Variants in ZBTB16 observed in about 807,000 individuals in gnomAD.
ZBTB16 encodes zinc finger and BTB domain-containing protein 16.
A neutral mutation model predicts 56.8 loss-of-function variants in ZBTB16; 8 were observed. That is an observed-to-expected ratio of 0.14 (90% CI 0.08 to 0.25). The LOEUF is 0.25. ZBTB16 is among the 10% of genes least tolerant of loss of function. The pLI is 1.00. For missense variants in ZBTB16, 625 were observed against 903.0 expected (o/e 0.69, Z 3.95); for synonymous variants, 363 against 368.5 (o/e 0.98, Z 0.17).
At chr11:114,084,487 T>G (rs868318735) in intron 2 of ZBTB16, among the ~76,000 whole-genome samples, 1 of 151,666 alleles carries the variant, frequency 6.6e-6, no homozygotes, top group Non-Finnish European at 1.5e-5. Flanking sequence ...GAGAAATTCA[T>G]TATTTAGAGG....
chr11:114,072,860 G>C (rs565546995), intron 2 of ZBTB16, among the ~76,000 whole-genome samples: 1 of 152,050 alleles, frequency 6.6e-6, no homozygotes, highest in East Asian at 1.9e-4. Flanking sequence ...AGACCATCCT[G>C]GCTAACACAG....
chr11:114,079,750 G>A (rs1382224691), intron 2 of ZBTB16, among the ~76,000 whole-genome samples: 2 of 152,216 alleles, frequency 1.3e-5, no homozygotes, highest in Non-Finnish European at 2.9e-5. Flanking sequence ...TCTGGAAGGG[G>A]TGTGTGGGGA....
rs1944952848 is a variant in ZBTB16, at chr11:114,253,591, G to T, written c.*3036G>T. Among the ~76,000 whole-genome samples, 1 of 152,230 alleles carries T rather than the reference G, an allele frequency of 6.6e-6. No homozygotes were observed. Among genetic ancestry groups the T allele is most frequent in the African/African-American group, 2.4e-5 (1 of 41,454 alleles). On this transcript the variant is annotated 3_prime_UTR_variant, in exon 7 of 7. Transcript: ENST00000335953. ...CCCACCCAACCCCGTGGGCCCTGCA[G>T]ACCCCAGTAGGGAGGTATGGGGAGA...
intron 2 of ZBTB16, among the ~76,000 whole-genome samples, chr11:114,107,017 G>C (rs1055029959): frequency 6.6e-6 from 1 of 152,118 alleles, no homozygotes; most frequent in African/African-American, 2.4e-5. Flanking sequence ...CTTGGGAAGG[G>C]GCAGGATGCA....
intron 4 of ZBTB16, among the ~76,000 whole-genome samples, chr11:114,239,810 C>A (rs980293728): frequency 6.6e-6 from 1 of 152,132 alleles, no homozygotes. Flanking sequence ...CAGGGTAAGC[C>A]CAGACAGGCG....
At chr11:114,133,550 G>GA (rs1238121074) in intron 2 of ZBTB16, among the ~76,000 whole-genome samples, 1 of 152,224 alleles carries the variant, frequency 6.6e-6, no homozygotes, top group East Asian at 1.9e-4. Context: ...AGCTTCGGCT[G>GA]AAGCCCTGGC....
chr11:114,190,730 T>TATATACACACAC (rs1404711208), intron 4 of ZBTB16, among the ~76,000 whole-genome samples: 2 of 143,502 alleles, frequency 1.4e-5, no homozygotes, highest in African/African-American at 5.0e-5. Flanking sequence ...CTCTCTCTCA[T>TATATACACACAC]ACACACACAC....
intron 2 of ZBTB16, among the ~76,000 whole-genome samples, chr11:114,131,768 C>CA (rs1178450873): frequency 6.6e-6 from 1 of 152,178 alleles, no homozygotes. Context: ...GGGTCAGAGA[C>CA]AATCTGACGA....
chr11:114,232,441 A>C (rs1315371993), intron 4 of ZBTB16, among the ~76,000 whole-genome samples: 1 of 152,122 alleles, frequency 6.6e-6, no homozygotes, highest in Non-Finnish European at 1.5e-5. Flanking sequence ...TCTTGGGAGA[A>C]GTTGTTGAGC....
chr11:114,229,200 T>C (rs1243048613), intron 4 of ZBTB16, among the ~76,000 whole-genome samples: 2 of 152,230 alleles, frequency 1.3e-5, no homozygotes, highest in African/African-American at 4.8e-5. Context: ...TGGTTTGATT[T>C]TGTAAACTTC....
rs537628095 is a variant in ZBTB16 at position 114,235,645 on chromosome 11, T to C, written c.1454-6522T>C. On this transcript the variant is annotated intron_variant, in intron 4 of 6. Transcript: ENST00000335953. ...CTCTCCCTTCCTTTCTTTCTTTCTT[T>C]CTTTCTTTCTTTCTTTCTTTCTTTC... Among the ~76,000 whole-genome samples the C allele has an allele frequency of 3.7e-4, 8 of 21,614 alleles. No individual in the cohort carries two copies. The South Asian group carries it at 7.5e-3, about 20-fold the overall frequency. 14.2% of individuals were successfully genotyped at this position (21,614 alleles called of 152,430 possible). A position where few individuals can be genotyped will look rare whatever the true frequency, so the allele number is the denominator to read the frequency against.
Position 114,074,543 on chromosome 11 carries a change from C to T in ZBTB16, c.1268+9975C>T, listed in dbSNP as rs114485896. On this transcript the variant is annotated intron_variant, in intron 2 of 6. Coordinates refer to ENST00000335953, the MANE Select transcript of ZBTB16 (RefSeq NM_006006.6). ...TTTAAGGAACGTCCCTCCCCAACAC[C>T]GAAGCCCAGGCCTGATTACTTCCAG... is the stretch of plus-strand genomic sequence containing the variant. Among the ~76,000 whole-genome samples, 1,116 of 152,292 alleles carry T rather than the reference C, an allele frequency of 7.3e-3. 12 individuals carry two copies. The highest frequency in any genetic ancestry group is 0.025 in the African/African-American group (1,050 of 41,558).
chr11:114,197,134 C>T (rs1191523907), intron 4 of ZBTB16, among the ~76,000 whole-genome samples: 2 of 152,194 alleles, frequency 1.3e-5, no homozygotes, highest in African/African-American at 4.8e-5. Flanking sequence ...ACTGTGACTA[C>T]AAAATAAGTA....
chr11:114,095,351 C>G (rs1335434593), intron 2 of ZBTB16, among the ~76,000 whole-genome samples: 1 of 148,240 alleles, frequency 6.7e-6, no homozygotes, highest in Non-Finnish European at 1.5e-5. Flanking sequence ...ACCTCCGCCT[C>G]CCAGGTTCAA....
intron 6 of ZBTB16, 111 bp downstream of exon 6, chr11:114,247,476 G>A (rs1944838362): frequency 6.8e-7 from 1 of 1,465,548 alleles, no homozygotes. Context: ...CTGAATCAAA[G>A]AGTAGAAGAG....
intron 2 of ZBTB16, among the ~76,000 whole-genome samples, chr11:114,111,356 C>T (rs973764577): frequency 1.3e-5 from 2 of 152,132 alleles, no homozygotes; most frequent in Non-Finnish European, 2.9e-5. Flanking sequence ...TGGCTGTGCT[C>T]CTTAGATGGT....
At chr11:114,111,789 T>G (rs1941013437) in intron 2 of ZBTB16, among the ~76,000 whole-genome samples, 1 of 152,238 alleles carries the variant, frequency 6.6e-6, no homozygotes, top group Non-Finnish European at 1.5e-5. Context: ...TGGGTGGTTT[T>G]CCTAATTAAG....
chr11:114,160,414 TTCTC>T (rs1658393374), intron 3 of ZBTB16, among the ~76,000 whole-genome samples: 1 of 152,208 alleles, frequency 6.6e-6, no homozygotes, highest in Non-Finnish European at 1.5e-5. Context: ...TTTTCCTCCT[TTCTC>T]TCCCTGTCGT....
intron 2 of ZBTB16, among the ~76,000 whole-genome samples, chr11:114,117,240 G>A (rs1039714641): frequency 6.6e-6 from 1 of 152,210 alleles, no homozygotes; most frequent in East Asian, 1.9e-4. Context: ...CTGGAGGTAT[G>A]GTTGTGAGCC....
Sources: allele counts gnomAD v4.1 joint callset (sites outside exome capture counted in the v4.1 genomes callset), GRCh38; gene constraint gnomAD v4.1.1; transcripts MANE v1.5; gene names NCBI Gene and HGNC (gene_info 2026-07-23, HGNC 2026-07-21).